Variants in SETD5 observed in about 807,000 individuals in gnomAD.
SETD5 encodes SET domain containing 5.
A neutral mutation model predicts 153.3 loss-of-function variants in SETD5; 44 were observed. The observed-to-expected ratio is 0.29, with a 90% confidence interval of 0.23 to 0.37. SETD5 has a LOEUF of 0.37. Ranked by LOEUF, SETD5 falls within the 10% of genes least tolerant of loss-of-function variation. The pLI, the probability that SETD5 is intolerant of heterozygous loss-of-function variation, is 1.00. For missense variants in SETD5, 1,544 were observed against 1,768.0 expected (o/e 0.87, Z 2.27); for synonymous variants, 716 against 645.2 (o/e 1.11, Z -1.66).
chr3:9,438,915 C>T (rs908001069), intron 7 of SETD5, among the ~76,000 whole-genome samples: 2 of 152,170 alleles, frequency 1.3e-5, no homozygotes, highest in African/African-American at 4.8e-5. Context: ...CAAAATTTCC[C>T]TCAATTGAGA....
In SETD5 at chr3:9,451,637, G is replaced by A. The variant is rs552864761; in HGVS notation, c.2347-2102G>A. On this transcript the variant is annotated intron_variant, in intron 16 of 22. Transcript: ENST00000402198. ...ATATTCATATTTTTTGTAGCGACAG[G>A]GTTTTGCTGTGTTTCCTAGGCTGAT... Among the ~76,000 whole-genome samples, 116 of 152,198 alleles carry A rather than the reference G, an allele frequency of 7.6e-4. 1 individual carries two copies. The South Asian group carries it at 0.016, about 21-fold the overall frequency.
chr3:9,414,213 T>G (rs566299639), intron 1 of SETD5, among the ~76,000 whole-genome samples: 142 of 152,366 alleles, frequency 9.3e-4, no homozygotes, highest in Middle Eastern at 3.4e-3. Flanking sequence ...AGGATGTTTT[T>G]GAATATTGGT....
In SETD5 at chr3:9,447,832, G is replaced by A. The variant is rs1295520059; in HGVS notation, c.1929G>A (p.Leu643=). The A allele has an allele frequency of 6.2e-7, 1 of 1,613,994 alleles. No individual in the cohort carries two copies. Among genetic ancestry groups the A allele is most frequent in the Non-Finnish European group, 8.5e-7 (1 of 1,179,892 alleles). ...AGGCCAATGCACAGCAGGCAGAATT[G>A]TCACAAGCTGCCTTGGAAGAGGGAG... ...QKQANAQQAE[L]SQAALEEGGS... The change falls in exon 15 of 23, where the codon TTG becomes TTA. Residue 643 remains leucine, a synonymous_variant. Coordinates refer to ENST00000402198, the MANE Select transcript of SETD5 (RefSeq NM_001080517.3).
At chr3:9,449,288 G>A (rs2125299442) in intron 16 of SETD5, among the ~76,000 whole-genome samples, 1 of 152,118 alleles carries the variant, frequency 6.6e-6, no homozygotes, top group East Asian at 1.9e-4. Context: ...GCGTTTGGTG[G>A]TGTTTTTGGA....
chr3:9,468,956 G>A (rs896283481), intron 18 of SETD5, among the ~76,000 whole-genome samples: 8 of 152,108 alleles, frequency 5.3e-5, no homozygotes, highest in Admixed American at 5.2e-4. Flanking sequence ...GGAAAGTTGA[G>A]TCAAAAGTTG....
chr3:9,448,425 A>T lies in SETD5; in HGVS notation c.2141A>T (p.Lys714Met). 1 of 1,614,022 alleles carries T rather than the reference A, an allele frequency of 6.2e-7. No homozygotes were observed. The highest frequency in any genetic ancestry group is 8.5e-7 in the Non-Finnish European group (1 of 1,179,878). ...GAATGGTTGAATGACAAAGCAGAGA[A>T]GCAAGAGTGCCCTGTTGAGTGCCCT... ...VTEWLNDKAEKQECPVECPLR... is the reference protein window; with the variant it reads ...VTEWLNDKAEMQECPVECPLR... Residue 714 changes from lysine (K) to methionine (M), a missense_variant, in exon 16 of 23, where the codon AAG becomes ATG. Physicochemically the swap from Lys to Met is moderately conservative, Grantham distance 95. Around this residue, in one of 9 missense-constraint regions of SETD5, gnomAD observed 782 missense variants for 787.2 expected, o/e 0.99. Transcript: ENST00000402198.
chr3:9,402,481 A>T (rs1315640002), intron 1 of SETD5, among the ~76,000 whole-genome samples: 1 of 152,182 alleles, frequency 6.6e-6, no homozygotes, highest in Non-Finnish European at 1.5e-5. Flanking sequence ...TGATATGAAG[A>T]CAGGGAAAGG....
At chr3:9,474,712 C>A in intron 21 of SETD5, 130 bp downstream of exon 21, 1 of 1,282,206 alleles carries the variant, frequency 7.8e-7, no homozygotes, top group Admixed American at 2.2e-5. Flanking sequence ...ATGCTAGGTT[C>A]CAGCCCACTT....
rs953763538 is a variant in SETD5, at chr3:9,447,226, T to C, written c.1701T>C (p.Val567=). ...AAACTGAAGCCCCTGAATCTGAAGT[T>C]AGCAACTCTGTTTCAAATGTTACCA... is the stretch of plus-strand genomic sequence containing the variant. ...ETKTEAPESE[V]SNSVSNVTIP... Residue 567 remains valine, a synonymous_variant, in exon 14 of 23, where the codon GTT becomes GTC. Transcript: ENST00000402198. The C allele has an allele frequency of 3.1e-6, 5 of 1,613,942 alleles. No homozygotes were observed. Among genetic ancestry groups the C allele is most frequent in the Admixed American group, 3.3e-5 (2 of 60,008 alleles).
chr3:9,449,280 G>T (rs185655350), intron 16 of SETD5, among the ~76,000 whole-genome samples: 1 of 151,994 alleles, frequency 6.6e-6, no homozygotes, highest in African/African-American at 2.4e-5. Context: ...TGGCAGTAGC[G>T]TTTGGTGGTG....
At position 9,470,503 on chromosome 3, in the gene SETD5, T is replaced by C. The variant is rs761491220; in HGVS notation, c.2769T>C (p.Leu923=). Residue 923 remains leucine, a synonymous_variant, in exon 19 of 23, where the codon CTT becomes CTC. Transcript: ENST00000402198. Reference sequence around the variant, plus strand: ...TGGATTTGGCAAAAGTAGGATACCTTGACTCCAACACTAACAGCTGTGCTG... The same window carrying C: ...TGGATTTGGCAAAAGTAGGATACCTCGACTCCAACACTAACAGCTGTGCTG... ...KDLDLAKVGY[L]DSNTNSCADR... is the part of the protein sequence containing the mutation. The C allele has an allele frequency of 2.5e-6, 4 of 1,613,672 alleles. No individual in the cohort carries two copies. The African/African-American group carries it at 5.3e-5, about 22-fold the overall frequency.
chr3:9,399,181 G>A (rs1178246064), intron 1 of SETD5, among the ~76,000 whole-genome samples: 1 of 152,190 alleles, frequency 6.6e-6, no homozygotes, highest in Non-Finnish European at 1.5e-5. Flanking sequence ...ACATTTCTTT[G>A]TTGGACAGAT....
At chr3:9,433,507 T>C (rs1249178415) in intron 3 of SETD5, 1 of 1,292,886 alleles carries the variant, frequency 7.7e-7, no homozygotes, top group South Asian at 1.2e-5. Flanking sequence ...GAAGAATAGT[T>C]CTGAGTCTAA....
In SETD5 at chr3:9,447,775, C is replaced by T. The variant is rs1277202649; in HGVS notation, c.1872C>T (p.Thr624=). ...AGAGTCGAATTTCTCGGTACAGGAC[C>T]AGTTCAGCCCAAAGACTAAAGCGTC... is the stretch of plus-strand genomic sequence containing the variant. The part of the protein sequence containing the change: ...RPKSRISRYR[T]SSAQRLKRQK... Residue 624 remains threonine, a synonymous_variant, in exon 15 of 23, where the codon ACC becomes ACT. Coordinates refer to ENST00000402198, the MANE Select transcript of SETD5 (RefSeq NM_001080517.3). The T allele has an allele frequency of 1.1e-5, 17 of 1,613,884 alleles. No individual in the cohort carries two copies. The highest frequency in any genetic ancestry group is 1.4e-5 in the Non-Finnish European group (16 of 1,179,904).
intron 17 of SETD5, among the ~76,000 whole-genome samples, chr3:9,455,311 G>A (rs910271829): frequency 1.3e-5 from 2 of 150,636 alleles, no homozygotes; most frequent in Non-Finnish European, 1.5e-5. Context: ...TCACCATGTT[G>A]GCCAGGCTAG....
intron 1 of SETD5, among the ~76,000 whole-genome samples, chr3:9,403,578 G>A (rs1449589655): frequency 7.9e-5 from 12 of 152,318 alleles, no homozygotes; most frequent in Non-Finnish European, 5.9e-5. Context: ...AATGCTAACT[G>A]AAGAAAGGCT....
At chr3:9,459,714 CAAAAAAA>C (rs386395917) in intron 17 of SETD5, among the ~76,000 whole-genome samples, 125 of 78,300 alleles carry the variant, frequency 1.6e-3, no homozygotes, top group Non-Finnish European at 2.5e-3. Context: ...GAGACTCCAT[CAAAAAAA>C]AAAAAAAAAA....
At chr3:9,454,622 CAAAAAAAAA>C (rs67028533) in intron 17 of SETD5, among the ~76,000 whole-genome samples, 12 of 58,032 alleles carry the variant, frequency 2.1e-4, no homozygotes, top group South Asian at 1.2e-3. Flanking sequence ...AACTCCGTCT[CAAAAAAAAA>C]AAAAAAAAAA....
At chr3:9,407,468 A>G (rs768456776) in intron 1 of SETD5, among the ~76,000 whole-genome samples, 2 of 152,224 alleles carry the variant, frequency 1.3e-5, no homozygotes, top group African/African-American at 2.4e-5. Flanking sequence ...ACAGTTTATC[A>G]TGAACAGTTA....
Sources: gnomAD v4.1 joint callset for allele counts (sites outside exome capture counted in the v4.1 genomes callset) on GRCh38, gnomAD v4.1.1 for gene constraint, gnomAD v4.1.1 regional missense constraint, MANE v1.5 for transcripts, NCBI Gene and HGNC (gene_info 2026-07-23, HGNC 2026-07-21) for gene names.